LIPC: variants seen among roughly 807,000 people sequenced by gnomAD.
The protein encoded by LIPC is lipase C, hepatic type.
Under a neutral mutation model 50.7 loss-of-function variants are expected in LIPC, and 44 were observed. That is an observed-to-expected ratio of 0.87 (90% confidence interval 0.68 to 1.11). The LOEUF is 1.11. Ranked by LOEUF, LIPC falls within the 50% of genes most tolerant of loss-of-function variation. The pLI, the probability that LIPC is intolerant of heterozygous loss-of-function variation, is 0.00. For synonymous variants in LIPC, 271 were observed against 256.4 expected, an observed-to-expected ratio of 1.06 and a Z score of -0.54; for missense variants, 697 against 648.2, an observed-to-expected ratio of 1.08 and a Z score of -0.82.
intron 1 of LIPC, among the ~76,000 whole-genome samples, chr15:58,514,548 G>A (rs936401892): frequency 6.6e-6 from 1 of 152,170 alleles, no homozygotes; most frequent in Non-Finnish European, 1.5e-5. Context: ...TGCAGGCCAG[G>A]TGCAGTGGCT....
At chr15:58,549,277 T>G (rs1268568469) in intron 6 of LIPC, among the ~76,000 whole-genome samples, 2 of 152,220 alleles carry the variant, frequency 1.3e-5, no homozygotes, top group Non-Finnish European at 2.9e-5. Flanking sequence ...GCCTAATCCC[T>G]AAAACAGCTC....
At chr15:58,523,762 T>C (rs1892722664) in intron 1 of LIPC, among the ~76,000 whole-genome samples, 1 of 151,886 alleles carries the variant, frequency 6.6e-6, no homozygotes, top group Admixed American at 6.6e-5. Flanking sequence ...CTATGATAAA[T>C]AAATAAATAA....
At chr15:58,530,403 G>T (rs1165684732) in intron 1 of LIPC, among the ~76,000 whole-genome samples, 3 of 152,240 alleles carry the variant, frequency 2.0e-5, no homozygotes, top group African/African-American at 7.2e-5. Context: ...CTCAGAAACA[G>T]CCTGTCCTCT....
chr15:58,449,422 C>T (rs1035076329), intron 1 of LIPC, among the ~76,000 whole-genome samples: 1 of 152,106 alleles, frequency 6.6e-6, no homozygotes, highest in Non-Finnish European at 1.5e-5. Context: ...GGGTCACTGT[C>T]AATATCAACA....
At chr15:58,486,004 A>G (rs1891361864) in intron 1 of LIPC, among the ~76,000 whole-genome samples, 2 of 152,216 alleles carry the variant, frequency 1.3e-5, no homozygotes, top group African/African-American at 4.8e-5. Context: ...TCAGGTATCC[A>G]GGGTCTCCCT....
chr15:58,546,220 A>G (rs1466540946), intron 5 of LIPC, among the ~76,000 whole-genome samples: 1 of 152,210 alleles, frequency 6.6e-6, no homozygotes, highest in Non-Finnish European at 1.5e-5. Flanking sequence ...GAGGGCACCA[A>G]CAGGAACCTC....
chr15:58,536,762 C>T (rs1290489403), intron 1 of LIPC, among the ~76,000 whole-genome samples: 1 of 152,152 alleles, frequency 6.6e-6, no homozygotes, highest in Non-Finnish European at 1.5e-5. Flanking sequence ...TTGCTCACAC[C>T]TCCTTTTAAT....
intron 5 of LIPC, among the ~76,000 whole-genome samples, chr15:58,546,942 A>T (rs1016261649): frequency 4.8e-5 from 3 of 62,996 alleles, no homozygotes; most frequent in East Asian, 5.0e-4. Context: ...CATCCCTCCC[A>T]CCTCCCCCAC....
At chr15:58,546,731 G>T (rs1411466281) in intron 5 of LIPC, among the ~76,000 whole-genome samples, 1 of 152,054 alleles carries the variant, frequency 6.6e-6, no homozygotes, top group East Asian at 1.9e-4. Context: ...GCCAAGTAGA[G>T]CCCTCCACCC....
intron 1 of LIPC, among the ~76,000 whole-genome samples, chr15:58,438,870 C>T (rs938306914): frequency 2.0e-5 from 3 of 152,298 alleles, no homozygotes; most frequent in Non-Finnish European, 4.4e-5. Context: ...GGTCTATTTC[C>T]AGAAGCATTC....
intron 1 of LIPC, among the ~76,000 whole-genome samples, chr15:58,440,821 A>C (rs548321632): frequency 6.6e-6 from 1 of 152,312 alleles, no homozygotes; most frequent in South Asian, 2.1e-4. Context: ...GCAGAGGGAA[A>C]AAAAACATGA....
At chr15:58,452,436 T>G (rs1369975717) in intron 1 of LIPC, among the ~76,000 whole-genome samples, 2 of 152,172 alleles carry the variant, frequency 1.3e-5, no homozygotes, top group Non-Finnish European at 2.9e-5. Flanking sequence ...TTTAGAAGAG[T>G]GTGAACGTGA....
intron 6 of LIPC, among the ~76,000 whole-genome samples, chr15:58,552,674 G>A (rs1417489014): frequency 6.6e-6 from 1 of 152,192 alleles, no homozygotes; most frequent in Non-Finnish European, 1.5e-5. Flanking sequence ...GCTGTGACTC[G>A]GGCAGTCGGT....
At position 58,569,510 on chromosome 15, in the gene LIPC, C is replaced by G. The variant is rs1232892867; in HGVS notation, c.*683C>G. The stretch of plus-strand genomic sequence containing the variant: ...TTGCAACAAAAGCTAATTTTAAAAA[C>G]TTGGAATGTCTCAAAGCATTTGCTA... On this transcript the variant is annotated 3_prime_UTR_variant, in exon 9 of 9. Coordinates refer to ENST00000299022, the MANE Select transcript of LIPC (RefSeq NM_000236.3). The G allele has an allele frequency of 4.6e-5, 7 of 152,166 alleles. No individual in the cohort carries two copies. The highest frequency in any genetic ancestry group is 1.3e-4 in the Admixed American group (2 of 15,274). The allele number at this position is 152,166 out of a possible 1,614,324, so 9.4% of individuals were successfully genotyped here.
intron 6 of LIPC, among the ~76,000 whole-genome samples, chr15:58,554,948 T>C (rs1595949159): frequency 6.6e-6 from 1 of 152,270 alleles, no homozygotes; most frequent in East Asian, 1.9e-4. Flanking sequence ...GCAGGTTCCG[T>C]CCCCAGCCCG....
At chr15:58,490,864 G>C (rs1405257353) in intron 1 of LIPC, among the ~76,000 whole-genome samples, 1 of 152,110 alleles carries the variant, frequency 6.6e-6, no homozygotes, top group East Asian at 1.9e-4. Context: ...AAAAATTTCA[G>C]GTCTCTGAGA....
At chr15:58,442,509 A>G (rs1566907941) in intron 1 of LIPC, among the ~76,000 whole-genome samples, 1 of 152,248 alleles carries the variant, frequency 6.6e-6, no homozygotes, top group Non-Finnish European at 1.5e-5. Context: ...CAATGAAAAT[A>G]GGTATTTGAT....
intron 1 of LIPC, among the ~76,000 whole-genome samples, chr15:58,512,430 T>C (rs1892357921): frequency 6.6e-6 from 1 of 152,194 alleles, no homozygotes; most frequent in African/African-American, 2.4e-5. Flanking sequence ...TACAATGTTT[T>C]ATTTTGCTTT....
chr15:58,488,646 G>T (rs1330679354), intron 1 of LIPC, among the ~76,000 whole-genome samples: 2 of 152,206 alleles, frequency 1.3e-5, no homozygotes, highest in African/African-American at 4.8e-5. Context: ...GCCCAGGCAT[G>T]GGGCATTCAG....
Sources: allele counts gnomAD v4.1 joint callset (sites outside exome capture counted in the v4.1 genomes callset), GRCh38; gene constraint gnomAD v4.1.1; transcripts MANE v1.5; gene names NCBI Gene and HGNC (gene_info 2026-07-23, HGNC 2026-07-21).